Variants in PRAME observed in about 807,000 individuals in gnomAD.
The protein encoded by PRAME is melanoma antigen preferentially expressed in tumors.
Under a neutral mutation model 32.1 loss-of-function variants are expected in PRAME, and 21 were observed. That is an observed-to-expected ratio of 0.65 (90% CI 0.46 to 0.94). The LOEUF (loss-of-function observed/expected upper bound fraction) is 0.94. Among genes scored for constraint, PRAME ranks in the 40% least tolerant of loss-of-function variants. The pLI is 0.00. For missense variants in PRAME, 651 were observed against 622.3 expected, an observed-to-expected ratio of 1.05 and a Z score of -0.49; for synonymous variants, 274 against 251.5, an observed-to-expected ratio of 1.09 and a Z score of -0.85.
chr22:22,556,710 G>T, intron 3 of PRAME, 102 bp downstream of exon 3: 1 of 1,407,908 alleles, frequency 7.1e-7, no homozygotes, highest in Non-Finnish European at 1.0e-6. Flanking sequence ...TTCGTCTACT[G>T]TGAGGGACCT....
intron 3 of PRAME, chr22:22,553,963 A>G (rs2062753061): frequency 1.0e-6 from 1 of 985,048 alleles, no homozygotes; most frequent in Non-Finnish European, 1.2e-6. Context: ...ACTTCAAGAA[A>G]ACAGCTGTTC....
rs771266850 is a variant in PRAME at position 22,548,369 on chromosome 22, T to C, written c.1228A>G (p.Thr410Ala). Residue 410 changes from threonine to alanine, a missense_variant, in exon 6 of 6, where the codon ACC becomes GCC. Transcript: ENST00000405655. ...ATGGAATTCCCGTAGAAGCTTAAGG[T>C]CGTAAGCTGGGAGCAGTGGCTCAGG... ...PSLSHCSQLT[T>A]LSFYGNSISI... The C allele has an allele frequency of 3.1e-6, 5 of 1,613,238 alleles. No homozygotes were observed. Among genetic ancestry groups the C allele is most frequent in the Non-Finnish European group, 3.4e-6 (4 of 1,179,904 alleles).
chr22:22,554,934 T>C (rs2062816983), intron 3 of PRAME, among the ~76,000 whole-genome samples: 1 of 151,908 alleles, frequency 6.6e-6, no homozygotes, highest in Non-Finnish European at 1.5e-5. Context: ...AGCTGTGCAA[T>C]CTCCCTGTGA....
intron 1 of PRAME, among the ~76,000 whole-genome samples, chr22:22,558,144 T>TGG (rs1253883328): frequency 0.15 from 9 of 62 alleles, 1 homozygote; most frequent in South Asian, 0.67. Flanking sequence ...AGAAAGACAG[T>TGG]GGGGGGGGAT....
intron 3 of PRAME, 25 bp from the exon 4 acceptor site, chr22:22,551,114 G>A: frequency 4.6e-6 from 7 of 1,532,114 alleles, no homozygotes; most frequent in Non-Finnish European, 6.2e-6. Context: ...AGGGAACAAG[G>A]CATCCCTTTC....
chr22:22,550,895 C>A lies in PRAME; in HGVS notation c.216G>T (p.Met72Ile). The A allele has an allele frequency of 6.2e-7, 1 of 1,613,902 alleles. No individual in the cohort carries two copies. The highest frequency in any genetic ancestry group is 2.2e-5 in the East Asian group (1 of 44,798). Residue 72 changes from methionine (M) to isoleucine (I), a missense_variant, in exon 4 of 6, where the codon ATG becomes ATT. By Grantham distance (10) the Met-to-Ile change is conservative. Coordinates refer to ENST00000405655, the MANE Select transcript of PRAME (RefSeq NM_206956.3). Reference sequence around the variant, plus strand: ...GGCAGGTGAAGGGCCAGGCCTGCACCATTGCCTTCAGGGTCTGGCTGTGTC... The same window carrying A: ...GGCAGGTGAAGGGCCAGGCCTGCACAATTGCCTTCAGGGTCTGGCTGTGTC... ...DGRHSQTLKA[M>I]VQAWPFTCLP... is the part of the protein sequence containing the mutation.
chr22:22,557,263 G>A, intron 2 of PRAME: 1 of 239,660 alleles, frequency 4.2e-6, no homozygotes, highest in Non-Finnish European at 8.4e-6. Flanking sequence ...GAGGGGCCGA[G>A]TCCCAGAGCA....
chr22:22,556,669 G>T, intron 3 of PRAME, 143 bp downstream of exon 3: 2 of 1,026,064 alleles, frequency 1.9e-6, no homozygotes, highest in Admixed American at 2.0e-5. Flanking sequence ...TTGTGGAAAT[G>T]ACCAGAAACA....
intron 3 of PRAME, chr22:22,553,001 T>A (rs2062689349): frequency 2.2e-6 from 1 of 463,628 alleles, no homozygotes; most frequent in African/African-American, 2.0e-5. Context: ...CTCCAGCCAG[T>A]GAATCCTGAT....
intron 3 of PRAME, chr22:22,552,875 G>T (rs1404585895): frequency 6.4e-6 from 3 of 470,824 alleles, no homozygotes; most frequent in South Asian, 4.6e-5. Context: ...TTGACTCCAT[G>T]GCCTCTGGGT....
At chr22:22,548,757 G>A in intron 5 of PRAME, 114 bp from the exon 6 acceptor site, 1 of 967,964 alleles carries the variant, frequency 1.0e-6, no homozygotes, top group South Asian at 1.6e-5. Flanking sequence ...TTAACCGCCA[G>A]GATGCCATGC....
chr22:22,556,571 A>G (rs1450523600), intron 3 of PRAME, among the ~76,000 whole-genome samples: 5 of 151,818 alleles, frequency 3.3e-5, no homozygotes, highest in African/African-American at 7.3e-5. Flanking sequence ...TCAGCCTCCC[A>G]AAGTGCTGGG....
Position 22,551,054 on chromosome 22 carries a change from C to T in PRAME, c.57G>A (p.Val19=), listed in dbSNP as rs773242982. The T allele has an allele frequency of 6.2e-6, 10 of 1,600,258 alleles. No homozygotes were observed. The highest frequency in any genetic ancestry group is 1.3e-5 in the African/African-American group (1 of 74,606). Residue 19 remains valine, a synonymous_variant, in exon 4 of 6, where the codon GTG becomes GTA. Coordinates refer to ENST00000405655, the MANE Select transcript of PRAME (RefSeq NM_206956.3). Reference sequence around the variant, plus strand: ...CCACAAGTCTCCGTGGGCTTGTCCACACACTCATGCTGATGTATCGGCTCT... The same window carrying T: ...CCACAAGTCTCCGTGGGCTTGTCCATACACTCATGCTGATGTATCGGCTCT... ...SIQSRYISMS[V]WTSPRRLVEL... is the part of the protein sequence containing the mutation.
intron 3 of PRAME, chr22:22,554,132 T>G: frequency 1.0e-6 from 1 of 985,122 alleles, no homozygotes; most frequent in Non-Finnish European, 1.2e-6. Flanking sequence ...CATTTAAGGA[T>G]CTGCTTAGGG....
intron 4 of PRAME, 124 bp downstream of exon 4, chr22:22,550,643 G>T: frequency 8.5e-7 from 1 of 1,174,696 alleles, no homozygotes; most frequent in Non-Finnish European, 1.2e-6. Flanking sequence ...AGGCCTCCCT[G>T]AACTTCCTTG....
At chr22:22,558,601 T>G (rs2063139574) in intron 1 of PRAME, among the ~76,000 whole-genome samples, 1 of 111,582 alleles carries the variant, frequency 9.0e-6, no homozygotes, top group South Asian at 3.5e-4. Context: ...GAATACGTGA[T>G]GGCTGCGGCC....
At chr22:22,555,567 C>G (rs1468806304) in intron 3 of PRAME, among the ~76,000 whole-genome samples, 2 of 151,742 alleles carry the variant, frequency 1.3e-5, no homozygotes, top group Non-Finnish European at 2.9e-5. Flanking sequence ...CAGGGTCTTA[C>G]TATGTTTCCC....
Position 22,548,732 on chromosome 22 carries a change from T to G in PRAME, c.954-89A>C. The G allele has an allele frequency of 2.4e-6, 3 of 1,238,182 alleles. No homozygotes were observed. In the South Asian group the frequency reaches 4.2e-5, roughly 17 times the overall value. The allele number at this position is 1,238,182 out of a possible 1,614,324, so 76.7% of individuals were successfully genotyped here. On this transcript the variant is annotated intron_variant, in intron 5 of 5. Coordinates refer to ENST00000405655, the MANE Select transcript of PRAME (RefSeq NM_206956.3). ...AGGCCCATTTCACCAAAACCCAAAG[T>G]CTTCCTGATGATGGTTAACCGCCAG... is the stretch of plus-strand genomic sequence containing the variant.
chr22:22,554,116 A>G, intron 3 of PRAME: 1 of 985,020 alleles, frequency 1.0e-6, no homozygotes, highest in East Asian at 1.1e-4. Context: ...TTGAAGTTAT[A>G]TTTGGCATTT....
Sources: allele counts gnomAD v4.1 joint callset (sites outside exome capture counted in the v4.1 genomes callset), GRCh38; gene constraint gnomAD v4.1.1; transcripts MANE v1.5; gene names NCBI Gene and HGNC (gene_info 2026-07-23, HGNC 2026-07-21).